COL22A1: variants seen among roughly 807,000 people sequenced by gnomAD.
COL22A1 encodes collagen type XXII alpha 1 chain.
In COL22A1, 221 loss-of-function variants were observed where a neutral mutation model predicts 248.9. The observed-to-expected ratio is 0.89, with a 90% CI of 0.80 to 0.99. The LOEUF is 0.99. COL22A1 is among the 50% of genes least tolerant of loss of function. The pLI is 0.00. For missense variants in COL22A1, 2,240 were observed against 2,179.0 expected, an observed-to-expected ratio of 1.03 and a Z score of -0.56; for synonymous variants, 891 against 793.4, an observed-to-expected ratio of 1.12 and a Z score of -2.07.
At chr8:138,731,699 T>G (rs1219496487) in intron 23 of COL22A1, among the ~76,000 whole-genome samples, 2 of 151,404 alleles carry the variant, frequency 1.3e-5, no homozygotes, top group Non-Finnish European at 2.9e-5. Flanking sequence ...GTAAACAGAG[T>G]GCTGGTCTAC....
chr8:138,684,503 AGC>A, intron 38 of COL22A1, 34 bp from the exon 39 acceptor site: 1 of 1,533,626 alleles, frequency 6.5e-7, no homozygotes, highest in Non-Finnish European at 9.0e-7. Flanking sequence ...ACAATCATGG[AGC>A]TGAGAGTGAA....
intron 64 of COL22A1, 134 bp downstream of exon 64, chr8:138,591,290 T>TC (rs146913007): frequency 0.067 from 30,411 of 451,550 alleles, 1,249 homozygotes; most frequent in African/African-American, 0.13. Context: ...GTGAGTGATC[T>TC]CTGTCTCCTC....
At chr8:138,877,188 G>C (rs141625251) in intron 3 of COL22A1, among the ~76,000 whole-genome samples, 258 of 152,222 alleles carry the variant, frequency 1.7e-3, no homozygotes, top group African/African-American at 6.0e-3. Context: ...AGGGCACCAG[G>C]TCAACAGCAC....
At chr8:138,672,541 G>T (rs1298364490) in intron 41 of COL22A1, among the ~76,000 whole-genome samples, 2 of 152,178 alleles carry the variant, frequency 1.3e-5, no homozygotes, top group Non-Finnish European at 2.9e-5. Flanking sequence ...GGGAGCCTGG[G>T]AATTCTGTCC....
chr8:138,823,366 T>G (rs753662364), intron 6 of COL22A1, among the ~76,000 whole-genome samples: 3 of 152,208 alleles, frequency 2.0e-5, no homozygotes, highest in African/African-American at 4.8e-5. Context: ...CATGTATTCT[T>G]GGATTTTAAC....
At position 138,811,931 on chromosome 8, in the gene COL22A1, A is replaced by T. The variant is rs1818271966; in HGVS notation, c.1327-10T>A. ...CCACGGTCACCTGGCACTGGAAGGA[A>T]AGCCCAGGAGGTCAGAACCTGGCTC... is the stretch of plus-strand genomic sequence containing the variant. On this transcript the variant is annotated splice_polypyrimidine_tract_variant and intron_variant, in intron 8 of 64. Coordinates refer to ENST00000303045, the MANE Select transcript of COL22A1 (RefSeq NM_152888.3). The T allele has an allele frequency of 6.5e-7, 1 of 1,538,402 alleles. No homozygotes were observed. Among genetic ancestry groups the T allele is most frequent in the East Asian group, 2.4e-5 (1 of 41,048 alleles).
intron 46 of COL22A1, among the ~76,000 whole-genome samples, chr8:138,648,070 G>A (rs1463004646): frequency 1.3e-5 from 2 of 152,214 alleles, no homozygotes; most frequent in African/African-American, 4.8e-5. Flanking sequence ...TTTACTATCT[G>A]ATAAAACATG....
Position 138,715,686 on chromosome 8 carries a change from T to A in COL22A1, c.2513A>T (p.Glu838Val). 1 of 1,611,068 alleles carries A rather than the reference T, an allele frequency of 6.2e-7. No homozygotes were observed. Among genetic ancestry groups the A allele is most frequent in the South Asian group, 1.1e-5 (1 of 90,462 alleles). ...ATGAGAGCAAGTTTCTCCTACCTTT[T>A]CACCTCGGTCACCTTTCAGTCCTGG... The part of the protein sequence containing the change: ...GLPGLKGDRG[E>V]KGEAGPAGPP... The change falls in exon 30 of 65, where the codon GAA (glutamate) becomes GTA (valine). Residue 838 changes from glutamate (E) to valine (V), a missense_variant. By Grantham distance (121) the Glu-to-Val change is moderately radical. Transcript: ENST00000303045.
At chr8:138,755,085 A>G in intron 21 of COL22A1, 72 bp downstream of exon 21, 1 of 1,457,164 alleles carries the variant, frequency 6.9e-7, no homozygotes, top group Non-Finnish European at 9.6e-7. Context: ...GCCGGGAATG[A>G]CTCTGATCTT....
At chr8:138,849,025 C>T (rs1434643499) in intron 3 of COL22A1, among the ~76,000 whole-genome samples, 1 of 152,146 alleles carries the variant, frequency 6.6e-6, no homozygotes. Context: ...GAGGGAAGAG[C>T]TGAAGCAGAA....
At chr8:138,885,277 CTCCCTA>C (rs1824567519) in intron 1 of COL22A1, among the ~76,000 whole-genome samples, 1 of 152,216 alleles carries the variant, frequency 6.6e-6, no homozygotes, top group South Asian at 2.1e-4. Context: ...GTTCTTCCAA[CTCCCTA>C]TGGAGTGGCT....
At chr8:138,643,230 C>G (rs1821879430) in intron 47 of COL22A1, among the ~76,000 whole-genome samples, 1 of 152,158 alleles carries the variant, frequency 6.6e-6, no homozygotes, top group Non-Finnish European at 1.5e-5. Context: ...TTTCCTGATA[C>G]CTTTCAATCT....
intron 4 of COL22A1, among the ~76,000 whole-genome samples, chr8:138,833,818 C>T (rs1326565386): frequency 6.6e-6 from 1 of 151,894 alleles, no homozygotes; most frequent in Non-Finnish European, 1.5e-5. Context: ...AGGGTAAGGA[C>T]GGGGGTTTGA....
intron 61 of COL22A1, among the ~76,000 whole-genome samples, chr8:138,597,297 C>A (rs376175686): frequency 6.6e-6 from 1 of 152,268 alleles, no homozygotes. Flanking sequence ...TTCCCTTCTT[C>A]GCACTGGACC....
At chr8:138,871,993 C>A (rs543099052) in intron 3 of COL22A1, among the ~76,000 whole-genome samples, 1 of 152,156 alleles carries the variant, frequency 6.6e-6, no homozygotes, top group Non-Finnish European at 1.5e-5. Context: ...GCCACAAACC[C>A]GTCTGCAAGG....
intron 11 of COL22A1, among the ~76,000 whole-genome samples, chr8:138,801,538 TG>T (rs936102954): frequency 1.3e-5 from 2 of 152,020 alleles, no homozygotes; most frequent in African/African-American, 4.8e-5. Context: ...AAAAAGACAA[TG>T]GTCATTCACT....
chr8:138,646,415 A>C (rs1162634121), intron 47 of COL22A1, among the ~76,000 whole-genome samples: 2 of 152,186 alleles, frequency 1.3e-5, no homozygotes, highest in African/African-American at 2.4e-5. Context: ...CTTTCCAACA[A>C]GCAGTTGTTT....
At chr8:138,812,495 C>T (rs1586806622) in intron 8 of COL22A1, among the ~76,000 whole-genome samples, 3 of 152,126 alleles carry the variant, frequency 2.0e-5, no homozygotes, top group South Asian at 4.1e-4. Flanking sequence ...GGCTGAGGTC[C>T]GAGAACAGAG....
chr8:138,911,048 C>T lies in COL22A1; in HGVS notation c.-73+2571G>A, dbSNP rs77579921. Among the ~76,000 whole-genome samples, 400 of 152,306 alleles carry T rather than the reference C, an allele frequency of 2.6e-3. 2 individuals are homozygous for T. Among genetic ancestry groups the T allele is most frequent in the African/African-American group, 9.3e-3 (386 of 41,564 alleles). On this transcript the variant is annotated intron_variant, in intron 1 of 64. Transcript: ENST00000303045. Reference sequence around the variant, plus strand: ...TTGCAGTATCTCAAGCTAGGAAGGACCTTAAAAGCTTACCTAGCTCAAGCA... The same window carrying T: ...TTGCAGTATCTCAAGCTAGGAAGGATCTTAAAAGCTTACCTAGCTCAAGCA...
Sources: gnomAD v4.1 joint callset for allele counts (sites outside exome capture counted in the v4.1 genomes callset) on GRCh38, gnomAD v4.1.1 for gene constraint, MANE v1.5 for transcripts, NCBI Gene and HGNC (gene_info 2026-07-23, HGNC 2026-07-21) for gene names.